The following SBNO2 variants were observed in gnomAD, a reference collection of about 807,000 sequenced individuals.
The protein encoded by SBNO2 is strawberry notch homolog 2, also known as protein strawberry notch homolog 2.
In SBNO2, 89 loss-of-function variants were observed where a neutral mutation model predicts 146.3. That is an observed-to-expected ratio of 0.61 (90% confidence interval 0.51 to 0.73). The LOEUF is 0.73. Among genes scored for constraint, SBNO2 ranks in the 30% least tolerant of loss-of-function variants. SBNO2 has a pLI of 0.00. For synonymous variants in SBNO2, 1,147 were observed against 892.6 expected (o/e 1.29, Z -5.08); for missense variants, 2,092 against 2,003.7 (o/e 1.04, Z -0.84).
chr19:1,164,312 A>G (rs2080379926), intron 1 of SBNO2, among the ~76,000 whole-genome samples: 1 of 151,960 alleles, frequency 6.6e-6, no homozygotes, highest in African/African-American at 2.4e-5. Flanking sequence ...CTGCTCCAGC[A>G]CAAAGCCTCC....
In SBNO2 at chr19:1,109,610, C is replaced by CG; in HGVS notation, c.3124-13dup. The CG allele has an allele frequency of 1.5e-6, 1 of 661,658 alleles. No individual in the cohort carries two copies. Among genetic ancestry groups the CG allele is most frequent in the Non-Finnish European group, 2.2e-6 (1 of 456,674 alleles). 41.0% of individuals were successfully genotyped at this position (661,658 alleles called of 1,614,324 possible). A position where few individuals can be genotyped will look rare whatever the true frequency, so the allele number is the denominator to read the frequency against. On this transcript the variant is annotated splice_polypyrimidine_tract_variant and intron_variant, in intron 27 of 31. Transcript: ENST00000361757. This position sits in a 1 kb window ranked among gnomAD's most constrained non-coding sequence, Gnocchi z 4.2. ...CGGTCCACGCTGATCTGCCACGGCA[C>CG]GGGGTGGGGGGGTGTGAGTGTGGTG...
chr19:1,142,114 C>CACGATCAACCCTCCCCTCA (rs1568608745), intron 4 of SBNO2, among the ~76,000 whole-genome samples: 2 of 123,652 alleles, frequency 1.6e-5, no homozygotes, highest in African/African-American at 3.1e-5. Context: ...TGACCTCCCT[C>CACGATCAACCCTCCCCTCA]ATGATCAACC....
At position 1,112,124 on chromosome 19, in the gene SBNO2, C is replaced by A; in HGVS notation, c.2629-57G>T. ...ACCTGGGGTCTGGCCTCTAGCACCC[C>A]ACAAAGCTTTGGAGAGCCTTCCTGG... On this transcript the variant is annotated intron_variant, in intron 22 of 31. Coordinates refer to ENST00000361757, the MANE Select transcript of SBNO2 (RefSeq NM_014963.3). The surrounding 1 kb of genome is among the most constrained non-coding windows in gnomAD (Gnocchi z 5.9). 1.2e-6 allele frequency: 2 copies of A among 1,605,844 alleles called. No homozygotes were observed. The highest frequency in any genetic ancestry group is 1.7e-6 in the Non-Finnish European group (2 of 1,176,326).
chr19:1,129,376 C>A (rs1279047268), intron 4 of SBNO2, among the ~76,000 whole-genome samples: 1 of 152,158 alleles, frequency 6.6e-6, no homozygotes, highest in Non-Finnish European at 1.5e-5. Context: ...CACTGCCCAC[C>A]CTGTCAGACC....
At chr19:1,156,977 C>CGCAACTCCTGAGA (rs1474988784) in intron 1 of SBNO2, among the ~76,000 whole-genome samples, 1 of 151,432 alleles carries the variant, frequency 6.6e-6, no homozygotes, top group Non-Finnish European at 1.5e-5. Context: ...CCTCAGGACC[C>CGCAACTCCTGAGA]ACAGCCCTGC....
chr19:1,114,060 T>C (rs2079801506), intron 18 of SBNO2, among the ~76,000 whole-genome samples, 171 bp downstream of exon 18: 1 of 152,142 alleles, frequency 6.6e-6, no homozygotes, highest in Non-Finnish European at 1.5e-5. Context: ...GTGGGCACCA[T>C]AGCAGCAGCT....
chr19:1,126,668 C>A lies in SBNO2; in HGVS notation c.441+936G>T, dbSNP rs537775185. Reference sequence around the variant, plus strand: ...GCCCGGGTTGCCCCTTCCTGAGGGCCCGGGAGAGCGGCCTATGGGTGTGAG... The same window carrying A: ...GCCCGGGTTGCCCCTTCCTGAGGGCACGGGAGAGCGGCCTATGGGTGTGAG... On this transcript the variant is annotated intron_variant, in intron 5 of 31. Transcript: ENST00000361757. This position sits in a 1 kb window ranked among gnomAD's most constrained non-coding sequence, Gnocchi z 4.4. Among the ~76,000 whole-genome samples the A allele has an allele frequency of 3.9e-5, 6 of 152,270 alleles. No individual in the cohort carries two copies. The highest frequency in any genetic ancestry group is 3.4e-3 in the Middle Eastern group (1 of 294).
rs1205820600 is a variant in SBNO2, at chr19:1,112,506, G to A, written c.2411C>T (p.Ser804Leu). 6.2e-7 allele frequency: 1 copy of A among 1,605,048 alleles called. No individual in the cohort carries two copies. The highest frequency in any genetic ancestry group is 8.5e-7 in the Non-Finnish European group (1 of 1,178,058). ...LVAIISEASS[S>L]GVSLQADRRV... ...GCGGTCGGCTTGGAGGGAGACACCC[G>A]AGCTGGAGGCCTCCGAGATGATGGC... The change falls in exon 21 of 32, where the codon TCG (serine) becomes TTG (leucine). Residue 804 changes from serine (S) to leucine (L), a missense_variant. Physicochemically the swap from Ser to Leu is moderately radical, Grantham distance 145 (BLOSUM62 -2). Transcript: ENST00000361757. The surrounding 1 kb of genome is among the most constrained non-coding windows in gnomAD (Gnocchi z 5.9).
At position 1,144,889 on chromosome 19, in the gene SBNO2, CAGAG is replaced by C. The variant is rs1347701292; in HGVS notation, c.279+2416_279+2419del. On this transcript the variant is annotated intron_variant, in intron 4 of 31. Transcript: ENST00000361757. This position sits in a 1 kb window ranked among gnomAD's most constrained non-coding sequence, Gnocchi z 4.1. ...ACACAGACAGAGACAGAGAGGGAGACAGAGAGACAGAGGCGGAGATGGAGACAGA... is the reference window on the plus strand; with the variant it reads ...ACACAGACAGAGACAGAGAGGGAGACAGACAGAGGCGGAGATGGAGACAGA... Among the ~76,000 whole-genome samples the C allele has an allele frequency of 7.7e-6, 1 of 130,264 alleles. No homozygotes were observed. Among genetic ancestry groups the C allele is most frequent in the African/African-American group, 3.2e-5 (1 of 31,168 alleles). 85.5% of individuals were successfully genotyped at this position (130,264 alleles called of 152,430 possible).
In SBNO2 at chr19:1,123,037, C is replaced by A. The variant is rs868515455; in HGVS notation, c.637G>T (p.Gly213Trp). ...ADYVPSKSKIGKQHPDRVVET... is the reference protein window; with the variant it reads ...ADYVPSKSKIWKQHPDRVVET... The stretch of plus-strand genomic sequence containing the variant: ...ACCACGCGGTCTGGGTGCTGCTTCC[C>A]GATCTTGGCTGGAGGAGCAAGGACG... Residue 213 changes from glycine (G) to tryptophan (W), a missense_variant, in exon 8 of 32, where the codon GGG (glycine) becomes TGG (tryptophan). Physicochemically the swap from Gly to Trp is radical, Grantham distance 184. Coordinates refer to ENST00000361757, the MANE Select transcript of SBNO2 (RefSeq NM_014963.3). 6.3e-7 allele frequency: 1 copy of A among 1,592,278 alleles called. No individual in the cohort carries two copies. Among genetic ancestry groups the A allele is most frequent in the East Asian group, 2.3e-5 (1 of 43,778 alleles).
intron 4 of SBNO2, among the ~76,000 whole-genome samples, chr19:1,139,953 A>G (rs564106454): frequency 1.3e-5 from 2 of 151,866 alleles, no homozygotes; most frequent in African/African-American, 4.8e-5. Flanking sequence ...CCATCTCAAA[A>G]CAAAACAAAA....
Position 1,112,276 on chromosome 19 carries a change from G to A in SBNO2, c.2541C>T (p.Val847=), listed in dbSNP as rs1465144808. ...TGAGGAAGACATACTCTGGCGCGGA[G>A]ACCTGGTTGGACCGGTGGGTGCGGC... ...QFGRTHRSNQ[V]SAPEYVFLIS... is the part of the protein sequence containing the mutation. The change falls in exon 22 of 32, where the codon GTC becomes GTT. Residue 847 remains valine (V), a synonymous_variant. Transcript: ENST00000361757. The surrounding 1 kb of genome is among the most constrained non-coding windows in gnomAD (Gnocchi z 5.9). 2 of 1,588,318 alleles carry A rather than the reference G, an allele frequency of 1.3e-6. No individual in the cohort carries two copies. Among genetic ancestry groups the A allele is most frequent in the African/African-American group, 1.3e-5 (1 of 74,562 alleles).
chr19:1,125,920 G>T (rs940609745), intron 5 of SBNO2, among the ~76,000 whole-genome samples: 10 of 152,078 alleles, frequency 6.6e-5, no homozygotes, highest in Non-Finnish European at 1.3e-4. Flanking sequence ...CTTTAACCCA[G>T]AAGGTCGAGG....
At position 1,147,436 on chromosome 19, in the gene SBNO2, G is replaced by C. The variant is rs780661647; in HGVS notation, c.168-16C>G. The C allele has an allele frequency of 1.3e-4, 173 of 1,301,250 alleles. 1 individual carries two copies. The highest frequency in any genetic ancestry group is 2.3e-4 in the African/African-American group (15 of 64,394). The allele number at this position is 1,301,250 out of a possible 1,614,324, so 80.6% of individuals were successfully genotyped here. The stretch of plus-strand genomic sequence containing the variant: ...CATGAACGGGCTGGAGGGAGATGGG[G>C]GGGGGGGAGGTGAGATGGGGTGCTC... On this transcript the variant is annotated splice_polypyrimidine_tract_variant and intron_variant, in intron 3 of 31. Coordinates refer to ENST00000361757, the MANE Select transcript of SBNO2 (RefSeq NM_014963.3).
chr19:1,129,304 G>A (rs1415529286), intron 4 of SBNO2, among the ~76,000 whole-genome samples: 1 of 152,056 alleles, frequency 6.6e-6, no homozygotes, highest in Non-Finnish European at 1.5e-5. Flanking sequence ...GGCATGTCAA[G>A]GGGGCGCTGT....
At chr19:1,159,577 A>T (rs2080324404) in intron 1 of SBNO2, among the ~76,000 whole-genome samples, 1 of 43,054 alleles carries the variant, frequency 2.3e-5, no homozygotes, top group Admixed American at 2.6e-4. Flanking sequence ...CAGCGGGGGA[A>T]GAGCAGGGGA....
intron 4 of SBNO2, among the ~76,000 whole-genome samples, chr19:1,145,403 G>T (rs1281758698): frequency 6.6e-6 from 1 of 151,094 alleles, no homozygotes; most frequent in Non-Finnish European, 1.5e-5. Context: ...AACCTGGGAA[G>T]CGGAGGTTGC....
intron 17 of SBNO2, chr19:1,115,708 G>A (rs1460987996): frequency 1.2e-5 from 6 of 492,138 alleles, no homozygotes; most frequent in Admixed American, 3.7e-5. Flanking sequence ...AGGGACCGTG[G>A]AGACCCTGAA....
chr19:1,123,265 G>C (rs1252852609), intron 7 of SBNO2, among the ~76,000 whole-genome samples: 1 of 152,072 alleles, frequency 6.6e-6, no homozygotes, highest in Non-Finnish European at 1.5e-5. Context: ...CGGCCTGCTG[G>C]GTTGGTTGGG....
Sources: gnomAD v4.1 joint callset for allele counts (sites outside exome capture counted in the v4.1 genomes callset) on GRCh38, gnomAD v4.1.1 for gene constraint, Gnocchi (gnomAD v3.1) non-coding constraint, MANE v1.5 for transcripts, NCBI Gene and HGNC (gene_info 2026-07-23, HGNC 2026-07-21) for gene names.